PAG1: variants seen among roughly 807,000 people sequenced by gnomAD.
The protein encoded by PAG1 is phosphoprotein membrane anchor with glycosphingolipid microdomains 1.
PAG1 carries 23 observed loss-of-function variants against 31.7 expected under a neutral mutation model. The ratio of observed to expected loss-of-function variants is 0.73; its 90% CI spans 0.52 to 1.03. The LOEUF (loss-of-function observed/expected upper bound fraction) is 1.03, where lower values mean the gene tolerates loss of function less well. Among genes scored for constraint, PAG1 ranks in the 50% least tolerant of loss-of-function variants. The pLI, the probability that PAG1 is intolerant of heterozygous loss-of-function variation, is 0.00. For missense variants in PAG1, 473 were observed against 540.7 expected, an observed-to-expected ratio of 0.87 and a Z score of 1.24; for synonymous variants, 214 against 210.3, an observed-to-expected ratio of 1.02 and a Z score of -0.15.
intron 1 of PAG1, among the ~76,000 whole-genome samples, chr8:81,078,493 CAAAGAGACACATCTATGTTTCTTTGGA>C (rs1329404457): frequency 6.6e-6 from 1 of 151,378 alleles, no homozygotes; most frequent in Non-Finnish European, 1.5e-5. Flanking sequence ...ACAAGTTCTC[CAAAGAGACACATCTATGTTTCTTTGGA>C]AAAGAGACAC....
rs374863424 is a variant in PAG1 at position 81,051,492 on chromosome 8, A to G, written c.-175+18620T>C. On this transcript the variant is annotated intron_variant, in intron 2 of 8. Coordinates refer to ENST00000220597, the MANE Select transcript of PAG1 (RefSeq NM_018440.4). Reference sequence around the variant, plus strand: ...TAAGATTTTGGCAACCCAGAAAAAGAAAAACATCAGAAGAGACCTAATTTA... The same window carrying G: ...TAAGATTTTGGCAACCCAGAAAAAGGAAAACATCAGAAGAGACCTAATTTA... Among the ~76,000 whole-genome samples, 9 of 152,368 alleles carry G rather than the reference A, an allele frequency of 5.9e-5. 2 individuals carry two copies. The highest frequency in any genetic ancestry group is 3.3e-4 in the Admixed American group (5 of 15,310).
intron 3 of PAG1, among the ~76,000 whole-genome samples, chr8:80,993,858 A>T (rs1807613886): frequency 6.6e-6 from 1 of 152,068 alleles, no homozygotes; most frequent in Admixed American, 6.6e-5. Flanking sequence ...CTCCTGCCTC[A>T]GCCTCCCAAA....
At chr8:81,060,865 G>A (rs997862503) in intron 2 of PAG1, among the ~76,000 whole-genome samples, 1 of 152,290 alleles carries the variant, frequency 6.6e-6, no homozygotes, top group East Asian at 1.9e-4. Context: ...TATCCAATAA[G>A]CATTACCTTT....
chr8:80,976,921 G>A lies in PAG1; in HGVS notation c.937-15C>T, dbSNP rs529642699. 10 of 1,580,490 alleles carry A rather than the reference G, an allele frequency of 6.3e-6. No homozygotes were observed. The African/African-American group carries it at 9.5e-5, about 15-fold the overall frequency. The stretch of plus-strand genomic sequence containing the variant: ...ATAGCTGAGATCTAGGAGACAAAGG[G>A]AGAGTTGAATAAACTTCCAGCTGTG... On this transcript the variant is annotated splice_polypyrimidine_tract_variant and intron_variant, in intron 8 of 8. Coordinates refer to ENST00000220597, the MANE Select transcript of PAG1 (RefSeq NM_018440.4).
Position 80,972,336 on chromosome 8 carries a change from G to C in PAG1, c.*4208C>G, listed in dbSNP as rs912609865. ...CATATTAACTATTACAAGGGGCACT[G>C]GAAAAAAAGGTCATTTGCTCATTTA... On this transcript the variant is annotated 3_prime_UTR_variant, in exon 9 of 9. Coordinates refer to ENST00000220597, the MANE Select transcript of PAG1 (RefSeq NM_018440.4). The C allele has an allele frequency of 3.3e-5, 5 of 152,048 alleles. No individual in the cohort carries two copies. Among genetic ancestry groups the C allele is most frequent in the Admixed American group, 6.5e-5 (1 of 15,272 alleles). 9.4% of individuals were successfully genotyped at this position (152,048 alleles called of 1,614,324 possible). A position where few individuals can be genotyped will look rare whatever the true frequency, so the allele number is the denominator to read the frequency against.
At chr8:80,995,085 T>A (rs750218230) in intron 3 of PAG1, among the ~76,000 whole-genome samples, 2 of 152,206 alleles carry the variant, frequency 1.3e-5, no homozygotes, top group Non-Finnish European at 2.9e-5. Flanking sequence ...TGTGGTTCAA[T>A]TGGACCAAAT....
intron 3 of PAG1, among the ~76,000 whole-genome samples, chr8:81,017,524 G>A (rs904962990): frequency 5.3e-5 from 8 of 152,142 alleles, no homozygotes; most frequent in African/African-American, 1.9e-4. Flanking sequence ...TCAAAATCAG[G>A]ACAAACTCTC....
chr8:81,005,038 T>C (rs182132937), intron 3 of PAG1, among the ~76,000 whole-genome samples: 30 of 152,256 alleles, frequency 2.0e-4, no homozygotes, highest in Admixed American at 1.7e-3. Context: ...ACAGAAAATA[T>C]TCATGCAAGA....
chr8:80,998,171 C>T (rs1193222858), intron 3 of PAG1, among the ~76,000 whole-genome samples: 2 of 139,142 alleles, frequency 1.4e-5, no homozygotes, highest in African/African-American at 5.5e-5. Flanking sequence ...CGCTCTGTCG[C>T]TAGGCTGGAG....
chr8:81,032,097 C>T (rs1489814706), intron 2 of PAG1, among the ~76,000 whole-genome samples: 3 of 151,950 alleles, frequency 2.0e-5, no homozygotes, highest in Admixed American at 6.6e-5. Context: ...AATGTAAAAG[C>T]GTAAACTACA....
At chr8:81,110,513 A>G (rs184780149) in intron 1 of PAG1, among the ~76,000 whole-genome samples, 1 of 152,226 alleles carries the variant, frequency 6.6e-6, no homozygotes, top group East Asian at 1.9e-4. Flanking sequence ...CCTTCAAAGT[A>G]GGGCACTGCA....
chr8:81,083,225 A>C (rs895446242), intron 1 of PAG1, among the ~76,000 whole-genome samples: 2 of 152,132 alleles, frequency 1.3e-5, no homozygotes, highest in African/African-American at 4.8e-5. Flanking sequence ...GGCCTCCAAC[A>C]ATACTTCCTG....
chr8:80,971,555 C>A lies in PAG1; in HGVS notation c.*4989G>T, dbSNP rs1306654366. 2.6e-5 allele frequency: 4 copies of A among 152,078 alleles called. No homozygotes were observed. The highest frequency in any genetic ancestry group is 5.9e-5 in the Non-Finnish European group (4 of 68,020). 9.4% of individuals were successfully genotyped at this position (152,078 alleles called of 1,614,324 possible). ...TCAACCTTTGTAATACATGATTACG[C>A]AAGGTGATATGAGACAACCCAAGGG... On this transcript the variant is annotated 3_prime_UTR_variant, in exon 9 of 9. Coordinates refer to ENST00000220597, the MANE Select transcript of PAG1 (RefSeq NM_018440.4).
intron 3 of PAG1, among the ~76,000 whole-genome samples, chr8:81,004,651 A>G (rs1807843363): frequency 6.6e-6 from 1 of 152,238 alleles, no homozygotes; most frequent in African/African-American, 2.4e-5. Flanking sequence ...ATCAGAACAA[A>G]AAAGCCACAA....
At position 81,035,506 on chromosome 8, in the gene PAG1, C is replaced by T. The variant is rs534781686; in HGVS notation, c.-174-5417G>A. Among the ~76,000 whole-genome samples the T allele has an allele frequency of 7.2e-5, 11 of 152,182 alleles. No individual in the cohort carries two copies. The East Asian group carries it at 1.9e-3, about 27-fold the overall frequency. Reference sequence around the variant, plus strand: ...GCATTGGGCAAGATACTACTGTGGGCGAGGCACAGAGAGAGTATAATTAGT... The same window carrying T: ...GCATTGGGCAAGATACTACTGTGGGTGAGGCACAGAGAGAGTATAATTAGT... On this transcript the variant is annotated intron_variant, in intron 2 of 8. Transcript: ENST00000220597.
intron 2 of PAG1, among the ~76,000 whole-genome samples, chr8:81,057,340 A>G (rs1808841088): frequency 6.6e-6 from 1 of 152,142 alleles, no homozygotes; most frequent in Non-Finnish European, 1.5e-5. Flanking sequence ...TCAATGATAG[A>G]CTGGATTAAG....
chr8:81,009,962 G>A (rs181905938), intron 3 of PAG1, among the ~76,000 whole-genome samples: 1 of 152,260 alleles, frequency 6.6e-6, no homozygotes, highest in East Asian at 1.9e-4. Flanking sequence ...CTCAAAGTTG[G>A]CTTAATAGAT....
In PAG1 at chr8:81,015,717, T is replaced by G. The variant is rs143176590; in HGVS notation, c.-81+14279A>C. ...CTAGAAAAATCAAGTTATATTTAAC[T>G]TTTTCTTCACAGGATTGTTGTGAGC... On this transcript the variant is annotated intron_variant, in intron 3 of 8. Transcript: ENST00000220597. Among the ~76,000 whole-genome samples, 974 of 152,320 alleles carry G rather than the reference T, an allele frequency of 6.4e-3. 5 individuals carry two copies. The highest frequency in any genetic ancestry group is 0.022 in the African/African-American group (933 of 41,576).
At chr8:81,070,782 A>G (rs1392307007) in intron 1 of PAG1, among the ~76,000 whole-genome samples, 1 of 152,264 alleles carries the variant, frequency 6.6e-6, no homozygotes, top group East Asian at 1.9e-4. Context: ...ATGCTTAAAA[A>G]TAAAACTATC....
Sources: gnomAD v4.1 joint callset for allele counts (sites outside exome capture counted in the v4.1 genomes callset) on GRCh38, gnomAD v4.1.1 for gene constraint, MANE v1.5 for transcripts, NCBI Gene and HGNC (gene_info 2026-07-23, HGNC 2026-07-21) for gene names.